Variants in GAK observed in about 807,000 individuals in gnomAD.
GAK encodes the protein cyclin G associated kinase.
GAK carries 79 observed loss-of-function variants against 143.9 expected under a neutral mutation model. The observed-to-expected ratio is 0.55, with a 90% confidence interval of 0.46 to 0.66. The LOEUF is 0.66. Among genes scored for constraint, GAK ranks in the 30% least tolerant of loss-of-function variants. GAK has a pLI of 0.00. For synonymous variants in GAK, 881 were observed against 765.5 expected (o/e 1.15, Z -2.49); for missense variants, 1,693 against 1,779.7 (o/e 0.95, Z 0.88).
chr4:910,311 G>A (rs538479872), intron 4 of GAK, among the ~76,000 whole-genome samples: 6 of 75,280 alleles, frequency 8.0e-5, no homozygotes, highest in South Asian at 7.7e-4. Flanking sequence ...AGAGCCCCCC[G>A]CTAAGTGCAG....
chr4:858,688 T>C (rs990402018), intron 24 of GAK, among the ~76,000 whole-genome samples: 12 of 152,158 alleles, frequency 7.9e-5, no homozygotes, highest in Non-Finnish European at 1.5e-4. Flanking sequence ...CAGAAGGCAC[T>C]TCAGATGTGA....
chr4:914,534 CCA>C (rs1362835844), intron 1 of GAK, among the ~76,000 whole-genome samples: 2 of 106,080 alleles, frequency 1.9e-5, no homozygotes, highest in Non-Finnish European at 2.0e-5. Context: ...GCGTGCACGG[CCA>C]CACACACACA....
At chr4:885,726 T>C (rs1716196169) in intron 11 of GAK, 3 of 150,834 alleles carry the variant, frequency 2.0e-5, no homozygotes, top group Admixed American at 6.6e-5. Context: ...GGCTTGTCCG[T>C]GGGGGAGAGC....
At chr4:919,060 AGTGCC>A (rs1357629704) in intron 1 of GAK, among the ~76,000 whole-genome samples, 11 of 130,192 alleles carry the variant, frequency 8.4e-5, no homozygotes, top group African/African-American at 2.4e-4. Context: ...CAAAGGCCTC[AGTGCC>A]GCATGACCTT....
chr4:912,365 C>A (rs754402829), intron 3 of GAK: 1 of 367,090 alleles, frequency 2.7e-6, no homozygotes, highest in Non-Finnish European at 5.4e-6. Flanking sequence ...CACATCGGGG[C>A]CTGTGGGAGC....
At chr4:849,838 C>CG (rs1481445636) in intron 27 of GAK, 54 bp downstream of exon 27, 3 of 1,104,842 alleles carry the variant, frequency 2.7e-6, no homozygotes, top group African/African-American at 1.6e-5. Flanking sequence ...GGCAGGACCC[C>CG]CCCCCCGCCC....
intron 1 of GAK, among the ~76,000 whole-genome samples, chr4:920,265 G>A (rs1020476523): frequency 6.7e-6 from 1 of 150,142 alleles, no homozygotes; most frequent in Non-Finnish European, 1.5e-5. Flanking sequence ...CCGAGATCAC[G>A]CCACTGCACT....
intron 18 of GAK, among the ~76,000 whole-genome samples, chr4:873,259 A>G (rs1269642016): frequency 6.6e-6 from 1 of 152,204 alleles, no homozygotes; most frequent in Non-Finnish European, 1.5e-5. Context: ...TGTGTTTAAA[A>G]TATTTTCTCA....
chr4:900,944 C>T (rs200157093), intron 5 of GAK, among the ~76,000 whole-genome samples: 3 of 152,162 alleles, frequency 2.0e-5, no homozygotes, highest in Admixed American at 6.5e-5. Flanking sequence ...GGCTCTATGG[C>T]GGTGCCCACA....
chr4:912,471 C>A, intron 3 of GAK: 1 of 433,656 alleles, frequency 2.3e-6, no homozygotes, highest in East Asian at 4.3e-5. Flanking sequence ...ATCCACTGGG[C>A]AGGGAGACCT....
Position 877,058 on chromosome 4 carries a change from G to A in GAK, c.1974+32C>T, listed in dbSNP as rs1441074940. On this transcript the variant is annotated intron_variant, in intron 17 of 27. Transcript: ENST00000314167. ...CCCCCCATGAGCCTAGGCGTGAGTGGGGAGCACCGGGCAAGCCACAGGCTC... is the reference window on the plus strand; with the variant it reads ...CCCCCCATGAGCCTAGGCGTGAGTGAGGAGCACCGGGCAAGCCACAGGCTC... The A allele has an allele frequency of 5.5e-6, 8 of 1,462,040 alleles. No individual in the cohort carries two copies. In the East Asian group the frequency reaches 1.1e-4, roughly 21 times the overall value. 90.6% of individuals were successfully genotyped at this position (1,462,040 alleles called of 1,614,324 possible).
chr4:912,443 C>T (rs1722215862), intron 3 of GAK: 1 of 411,040 alleles, frequency 2.4e-6, no homozygotes, highest in Non-Finnish European at 4.6e-6. Context: ...GGCAAGGGCC[C>T]CCTGTGGTAA....
chr4:877,423 C>T (rs1165224355), intron 16 of GAK, among the ~76,000 whole-genome samples, 192 bp downstream of exon 16: 1 of 152,130 alleles, frequency 6.6e-6, no homozygotes, highest in Non-Finnish European at 1.5e-5. Context: ...ATTCTCAAGT[C>T]TCCTGGACAC....
rs145462645 is a variant in GAK at position 853,707 on chromosome 4, G to A, written c.3284-1733C>T. On this transcript the variant is annotated intron_variant, in intron 24 of 27. Transcript: ENST00000314167. ...CCTCCTCCGCGCTCCGGCCTCCTCCGCGCCAGCATTCGGTGATGCTGGGTG... is the reference window on the plus strand; with the variant it reads ...CCTCCTCCGCGCTCCGGCCTCCTCCACGCCAGCATTCGGTGATGCTGGGTG... The A allele has an allele frequency of 1.5e-4, 23 of 152,566 alleles. No individual in the cohort carries two copies. In the East Asian group the frequency reaches 4.0e-3, roughly 27 times the overall value. 9.5% of individuals were successfully genotyped at this position (152,566 alleles called of 1,614,324 possible). A position where few individuals can be genotyped will look rare whatever the true frequency, so the allele number is the denominator to read the frequency against.
intron 23 of GAK, among the ~76,000 whole-genome samples, chr4:860,760 C>T (rs557876140): frequency 6.7e-6 from 1 of 148,762 alleles, no homozygotes; most frequent in South Asian, 2.2e-4. Flanking sequence ...CTCGAGGGGA[C>T]GGGCACCCAG....
At chr4:912,704 G>A (rs774381206) in intron 3 of GAK, 31 bp downstream of exon 3, 35 of 1,596,972 alleles carry the variant, frequency 2.2e-5, no homozygotes, top group South Asian at 1.1e-4. Flanking sequence ...CAAAGCCACC[G>A]TGCTGGCTCC....
In GAK at chr4:911,737, A is replaced by G. The variant is rs377322288; in HGVS notation, c.318T>C (p.Ser106=). 1.9e-6 allele frequency: 3 copies of G among 1,614,074 alleles called. No homozygotes were observed. In the African/African-American group the frequency reaches 4.0e-5, roughly 22 times the overall value. ...CCGTGTCTGACTCCTCTTTTCCTAT[A>G]GACGCTGCAGAACAAAACTGGACAA... ...PNIVQFCSAA[S]IGKEESDTGQ... Residue 106 remains serine (S), a synonymous_variant, in exon 4 of 28, where the codon TCT becomes TCC. Transcript: ENST00000314167.
intron 20 of GAK, among the ~76,000 whole-genome samples, chr4:867,947 T>G (rs1236066660): frequency 2.6e-5 from 4 of 152,124 alleles, no homozygotes; most frequent in Non-Finnish European, 5.9e-5. Context: ...CTGAGTCAAG[T>G]GGGGGCCACA....
chr4:871,882 C>T (rs572817569), intron 18 of GAK, among the ~76,000 whole-genome samples: 10 of 152,338 alleles, frequency 6.6e-5, no homozygotes, highest in African/African-American at 1.9e-4. Flanking sequence ...TAAGCCTGGG[C>T]TCTCCAGCGG....
Sources: gnomAD v4.1 joint callset for allele counts (sites outside exome capture counted in the v4.1 genomes callset) on GRCh38, gnomAD v4.1.1 for gene constraint, MANE v1.5 for transcripts, NCBI Gene and HGNC (gene_info 2026-07-23, HGNC 2026-07-21) for gene names.